The following LMBRD1 variants were observed in gnomAD, a reference collection of about 807,000 sequenced individuals.
LMBRD1 encodes lysosomal cobalamin transport escort protein LMBD1.
LMBRD1 carries 64 observed loss-of-function variants against 74.8 expected under a neutral mutation model. That is an observed-to-expected ratio of 0.86 (90% CI 0.70 to 1.05). LMBRD1 has a LOEUF of 1.05. Ranked by LOEUF, LMBRD1 falls within the 50% of genes least tolerant of loss-of-function variation. The pLI is 0.00. For missense variants in LMBRD1, 652 were observed against 645.9 expected, an observed-to-expected ratio of 1.01 and a Z score of -0.10; for synonymous variants, 204 against 216.3, an observed-to-expected ratio of 0.94 and a Z score of 0.50.
intron 14 of LMBRD1, among the ~76,000 whole-genome samples, chr6:69,683,204 G>A (rs1765698450): frequency 6.6e-6 from 1 of 151,920 alleles, no homozygotes; most frequent in South Asian, 2.1e-4. Context: ...AGTCTGCATC[G>A]CAATCTTGAT....
chr6:69,753,801 C>G (rs1416759549), intron 3 of LMBRD1, among the ~76,000 whole-genome samples: 1 of 151,932 alleles, frequency 6.6e-6, no homozygotes, highest in Non-Finnish European at 1.5e-5. Flanking sequence ...ATTAGCTGGG[C>G]GTGGTCGTGG....
Position 69,730,040 on chromosome 6 carries a change from C to T in LMBRD1, c.636+7902G>A, listed in dbSNP as rs73485547. Among the ~76,000 whole-genome samples, 608 of 150,790 alleles carry T rather than the reference C, an allele frequency of 4.0e-3. 4 individuals are homozygous for T. The highest frequency in any genetic ancestry group is 0.013 in the African/African-American group (550 of 41,118). On this transcript the variant is annotated intron_variant, in intron 7 of 15. Transcript: ENST00000649934. Reference sequence around the variant, plus strand: ...CTTACTACTGCCCTCTAGTGAATTTCCAGAAAAAAAAATCAGAAAACTAAA... The same window carrying T: ...CTTACTACTGCCCTCTAGTGAATTTTCAGAAAAAAAAATCAGAAAACTAAA...
intron 3 of LMBRD1, among the ~76,000 whole-genome samples, chr6:69,764,997 T>C (rs1043483232): frequency 2.0e-5 from 3 of 151,920 alleles, no homozygotes; most frequent in Admixed American, 6.6e-5. Context: ...TGGTGAGATC[T>C]TGGCTTACTG....
At chr6:69,718,872 T>C in intron 8 of LMBRD1, 84 bp downstream of exon 8, 2 of 1,441,360 alleles carry the variant, frequency 1.4e-6, no homozygotes, top group Admixed American at 3.4e-5. Context: ...AGTTATGGGG[T>C]TGACAATGTC....
chr6:69,730,668 T>C (rs1039739761), intron 7 of LMBRD1, among the ~76,000 whole-genome samples: 1 of 152,132 alleles, frequency 6.6e-6, no homozygotes, highest in African/African-American at 2.4e-5. Flanking sequence ...TTGCCACTTA[T>C]GTCTTAAAAG....
Position 69,749,410 on chromosome 6 carries a change from T to G in LMBRD1, c.406-2A>C. ...ATACTTGAGTGCCGTTTTAATTTGC[T>G]AGATGCCAAGGAGAAAAAAGTATAA... On this transcript the variant is annotated splice_acceptor_variant, in intron 4 of 15. Coordinates refer to ENST00000649934, the MANE Select transcript of LMBRD1 (RefSeq NM_018368.4). LOFTEE classifies it high-confidence loss of function. The G allele has an allele frequency of 6.2e-7, 1 of 1,611,796 alleles. No homozygotes were observed. Among genetic ancestry groups the G allele is most frequent in the Middle Eastern group, 1.7e-4 (1 of 6,050 alleles).
chr6:69,735,218 G>A (rs1766949293), intron 7 of LMBRD1, among the ~76,000 whole-genome samples: 3 of 152,154 alleles, frequency 2.0e-5, no homozygotes, highest in Non-Finnish European at 4.4e-5. Context: ...CACTGGACAG[G>A]ATGCCATTCC....
At chr6:69,705,822 T>C in intron 9 of LMBRD1, 1 of 1,255,690 alleles carries the variant, frequency 8.0e-7, no homozygotes, top group Non-Finnish European at 1.1e-6. Context: ...CTAAATGTTG[T>C]TCACTAATAT....
chr6:69,676,088 T>A lies in LMBRD1; in HGVS notation c.*70A>T. ...AAAGCTAGTTAGCAAATCCTAATGT[T>A]AGTTTAATACTTTAAAAATGCATAA... On this transcript the variant is annotated 3_prime_UTR_variant, in exon 16 of 16. Coordinates refer to ENST00000649934, the MANE Select transcript of LMBRD1 (RefSeq NM_018368.4). 1 of 1,240,736 alleles carries A rather than the reference T, an allele frequency of 8.1e-7. No homozygotes were observed. The highest frequency in any genetic ancestry group is 1.2e-6 in the Non-Finnish European group (1 of 847,994). The allele number at this position is 1,240,736 out of a possible 1,614,324, so 76.9% of individuals were successfully genotyped here.
At chr6:69,730,619 T>C (rs559150506) in intron 7 of LMBRD1, among the ~76,000 whole-genome samples, 1 of 152,266 alleles carries the variant, frequency 6.6e-6, no homozygotes, top group African/African-American at 2.4e-5. Context: ...GTCACTTCAG[T>C]TGAATTACAT....
intron 13 of LMBRD1, among the ~76,000 whole-genome samples, 186 bp downstream of exon 13, chr6:69,698,857 T>C (rs1291161325): frequency 6.6e-6 from 1 of 151,678 alleles, no homozygotes; most frequent in African/African-American, 2.4e-5. Context: ...GTGTGCTGTT[T>C]CAAAAAAACA....
chr6:69,730,975 G>A (rs1643312253), intron 7 of LMBRD1, among the ~76,000 whole-genome samples: 1 of 152,090 alleles, frequency 6.6e-6, no homozygotes, highest in Non-Finnish European at 1.5e-5. Context: ...GAAAATCCCA[G>A]AGATAAGAAT....
intron 12 of LMBRD1, among the ~76,000 whole-genome samples, chr6:69,700,271 A>C (rs4516910): frequency 0.34 from 51,358 of 151,664 alleles, 9,764 homozygotes; most frequent in East Asian, 0.54. Context: ...AATTTATCTC[A>C]AAATAAGCAT....
At chr6:69,728,192 C>T (rs1309629237) in intron 7 of LMBRD1, among the ~76,000 whole-genome samples, 2 of 152,024 alleles carry the variant, frequency 1.3e-5, no homozygotes, top group Admixed American at 1.3e-4. Context: ...GTGGGAGGTG[C>T]TACAGATTTT....
chr6:69,684,034 A>G (rs1765714879), intron 14 of LMBRD1, among the ~76,000 whole-genome samples: 1 of 152,122 alleles, frequency 6.6e-6, no homozygotes, highest in Non-Finnish European at 1.5e-5. Context: ...ATATATGTAG[A>G]GAACAATCAA....
chr6:69,699,091 A>G lies in LMBRD1; in HGVS notation c.1290T>C (p.Ser430=). ...CATACATAACATATTGGGGAGCAAG[A>G]CTATAAATCATGTAGCTAGTGTGAA... The part of the protein sequence containing the change: ...IVLHTSYMIY[S]LAPQYVMYGS... Residue 430 remains serine (S), a synonymous_variant, in exon 13 of 16, where the codon AGT becomes AGC. Coordinates refer to ENST00000649934, the MANE Select transcript of LMBRD1 (RefSeq NM_018368.4). The G allele has an allele frequency of 6.2e-7, 1 of 1,609,298 alleles. No homozygotes were observed. The highest frequency in any genetic ancestry group is 8.5e-7 in the Non-Finnish European group (1 of 1,176,054).
chr6:69,733,906 T>G (rs759324508), intron 7 of LMBRD1, among the ~76,000 whole-genome samples: 1 of 152,216 alleles, frequency 6.6e-6, no homozygotes, highest in Non-Finnish European at 1.5e-5. Context: ...ACTGTGAATA[T>G]TCAACTGTTT....
chr6:69,756,029 T>A (rs967224565), intron 3 of LMBRD1, among the ~76,000 whole-genome samples: 2 of 152,084 alleles, frequency 1.3e-5, no homozygotes, highest in Non-Finnish European at 2.9e-5. Flanking sequence ...ACAACTTTTT[T>A]AAAAAATGGG....
At chr6:69,732,013 T>A (rs1766869069) in intron 7 of LMBRD1, among the ~76,000 whole-genome samples, 1 of 152,128 alleles carries the variant, frequency 6.6e-6, no homozygotes, top group African/African-American at 2.4e-5. Context: ...CTTGTCAGAT[T>A]TTTCCTTATA....
Sources: gnomAD v4.1 joint callset for allele counts (sites outside exome capture counted in the v4.1 genomes callset) on GRCh38, gnomAD v4.1.1 for gene constraint, MANE v1.5 for transcripts, NCBI Gene and HGNC (gene_info 2026-07-23, HGNC 2026-07-21) for gene names.